RALYL: variants seen among roughly 807,000 people sequenced by gnomAD.
RALYL encodes RALY RNA binding protein like.
Under a neutral mutation model 35.1 loss-of-function variants are expected in RALYL, and 29 were observed. The ratio of observed to expected loss-of-function variants is 0.83; its 90% CI spans 0.61 to 1.13. The LOEUF is 1.13. Among genes scored for constraint, RALYL ranks in the 50% most tolerant of loss-of-function variants. RALYL has a pLI of 0.00. For missense variants in RALYL, 359 were observed against 360.4 expected (o/e 1.00, Z 0.03); for synonymous variants, 120 against 127.6 (o/e 0.94, Z 0.40).
At chr8:84,854,715 A>C (rs1836620738) in intron 5 of RALYL, among the ~76,000 whole-genome samples, 2 of 152,242 alleles carry the variant, frequency 1.3e-5, no homozygotes, top group Admixed American at 6.5e-5. Context: ...GCAAAAAGAC[A>C]ACACTGTGAT....
chr8:84,661,013 C>T (rs1197730069), intron 2 of RALYL, among the ~76,000 whole-genome samples: 1 of 152,102 alleles, frequency 6.6e-6, no homozygotes, highest in African/African-American at 2.4e-5. Flanking sequence ...ACTGCAAGCT[C>T]TGCCTCCCGG....
At chr8:84,303,374 T>A (rs1028866944) in intron 1 of RALYL, among the ~76,000 whole-genome samples, 14 of 152,174 alleles carry the variant, frequency 9.2e-5, no homozygotes, top group Non-Finnish European at 8.8e-5. Context: ...ACAAAAAACA[T>A]TTCCAGATAA....
At chr8:84,884,551 C>A (rs911434412) in intron 7 of RALYL, among the ~76,000 whole-genome samples, 4 of 151,890 alleles carry the variant, frequency 2.6e-5, no homozygotes, top group Non-Finnish European at 5.9e-5. Flanking sequence ...ATATTACACA[C>A]ACACACATAT....
At chr8:84,682,873 C>T (rs1835886958) in intron 2 of RALYL, among the ~76,000 whole-genome samples, 1 of 151,782 alleles carries the variant, frequency 6.6e-6, no homozygotes, top group Non-Finnish European at 1.5e-5. Context: ...TTATTTCTTG[C>T]CTTCTGCTAG....
intron 1 of RALYL, among the ~76,000 whole-genome samples, chr8:84,329,120 T>C (rs945568073): frequency 1.3e-5 from 2 of 152,108 alleles, no homozygotes; most frequent in Non-Finnish European, 2.9e-5. Context: ...GGATATATAC[T>C]CAGTAATGGG....
intron 4 of RALYL, among the ~76,000 whole-genome samples, chr8:84,835,414 T>C (rs1330317744): frequency 6.7e-6 from 1 of 150,188 alleles, no homozygotes; most frequent in Non-Finnish European, 1.5e-5. Flanking sequence ...ACGCCTGTAA[T>C]GCCAGCACTT....
chr8:84,298,890 G>A (rs1840263529), intron 1 of RALYL, among the ~76,000 whole-genome samples: 1 of 151,968 alleles, frequency 6.6e-6, no homozygotes, highest in African/African-American at 2.4e-5. Flanking sequence ...AAATACTACT[G>A]TATTTTGTAC....
At chr8:84,401,899 A>G (rs1047205948) in intron 1 of RALYL, among the ~76,000 whole-genome samples, 26 of 94,986 alleles carry the variant, frequency 2.7e-4, no homozygotes, top group African/African-American at 1.3e-3. Flanking sequence ...GCACCTTTCT[A>G]GTTACCCTGT....
rs1252448611 is a variant in RALYL, at chr8:84,888,612, A to G, written c.858+836A>G. On this transcript the variant is annotated intron_variant, in intron 8 of 8. Coordinates refer to ENST00000521268, the MANE Select transcript of RALYL (RefSeq NM_173848.7). ...GGTTCCAGTTTAATACTGTACCTTT[A>G]GTTACTTAACTCATTTTGTCATGGT... is the stretch of plus-strand genomic sequence containing the variant. Among the ~76,000 whole-genome samples the G allele has an allele frequency of 2.0e-5, 3 of 152,172 alleles. No homozygotes were observed. In the South Asian group the frequency reaches 6.2e-4, roughly 32 times the overall value.
chr8:84,892,629 C>CAAA (rs1844065567), intron 8 of RALYL, among the ~76,000 whole-genome samples: 9 of 143,518 alleles, frequency 6.3e-5, no homozygotes, highest in African/African-American at 2.1e-4. Context: ...AAAAAAAAAC[C>CAAA]AACATGGCAC....
chr8:84,225,768 G>A (rs1259218984), intron 1 of RALYL, among the ~76,000 whole-genome samples: 1 of 152,066 alleles, frequency 6.6e-6, no homozygotes, highest in African/African-American at 2.4e-5. Context: ...ACTTAGCACA[G>A]TCTCGAATGT....
chr8:84,773,591 A>G (rs1404195111), intron 2 of RALYL, among the ~76,000 whole-genome samples: 1 of 145,364 alleles, frequency 6.9e-6, no homozygotes, highest in East Asian at 2.0e-4. Flanking sequence ...GTTTTGTCAC[A>G]TACTTAAACC....
intron 3 of RALYL, among the ~76,000 whole-genome samples, chr8:84,780,487 C>G (rs1399233867): frequency 6.6e-6 from 1 of 152,194 alleles, no homozygotes; most frequent in Non-Finnish European, 1.5e-5. Flanking sequence ...GGAGAGTTCT[C>G]TAATTCAGAA....
intron 1 of RALYL, among the ~76,000 whole-genome samples, chr8:84,496,708 A>G (rs1446387773): frequency 6.6e-6 from 1 of 152,124 alleles, no homozygotes; most frequent in Non-Finnish European, 1.5e-5. Flanking sequence ...TCTATCTATC[A>G]TCAACTATCT....
At chr8:84,737,918 G>A (rs547216184) in intron 2 of RALYL, among the ~76,000 whole-genome samples, 11 of 152,122 alleles carry the variant, frequency 7.2e-5, no homozygotes, top group African/African-American at 2.2e-4. Flanking sequence ...CTCCAGAACT[G>A]TAAGAAATAA....
intron 4 of RALYL, among the ~76,000 whole-genome samples, chr8:84,848,133 G>A (rs1347460544): frequency 6.6e-6 from 1 of 151,946 alleles, no homozygotes; most frequent in South Asian, 2.1e-4. Flanking sequence ...CCATATGACC[G>A]AGCAATTCCA....
intron 1 of RALYL, among the ~76,000 whole-genome samples, chr8:84,249,745 A>G (rs57440045): frequency 0.025 from 3,877 of 152,162 alleles, 171 homozygotes; most frequent in African/African-American, 0.088. Flanking sequence ...TGTCTTAGAG[A>G]GTATATATTC....
At chr8:84,588,399 A>G (rs1018891860) in intron 2 of RALYL, among the ~76,000 whole-genome samples, 3 of 152,188 alleles carry the variant, frequency 2.0e-5, no homozygotes, top group Non-Finnish European at 4.4e-5. Context: ...GCCATAAGGT[A>G]TGCCACTGGA....
chr8:84,708,160 C>G (rs1368410395), intron 2 of RALYL, among the ~76,000 whole-genome samples: 1 of 151,960 alleles, frequency 6.6e-6, no homozygotes, highest in African/African-American at 2.4e-5. Context: ...TTCAGAGGAT[C>G]TGACAAAAGG....
Sources: allele counts gnomAD v4.1 joint callset (sites outside exome capture counted in the v4.1 genomes callset), GRCh38; gene constraint gnomAD v4.1.1; transcripts MANE v1.5; gene names NCBI Gene and HGNC (gene_info 2026-07-23, HGNC 2026-07-21).